The following PER1 variants were observed in gnomAD, a reference collection of about 807,000 sequenced individuals.
The protein encoded by PER1 is period circadian protein homolog 1.
Under a neutral mutation model 125.9 loss-of-function variants are expected in PER1, and 87 were observed. That is an observed-to-expected ratio of 0.69 (90% CI 0.58 to 0.83). PER1 has a LOEUF of 0.83. Ranked by LOEUF, PER1 falls within the 40% of genes least tolerant of loss-of-function variation. The pLI, the probability that PER1 is intolerant of heterozygous loss-of-function variation, is 0.00. For missense variants in PER1, 1,775 were observed against 1,722.8 expected (o/e 1.03, Z -0.54); for synonymous variants, 801 against 714.7 (o/e 1.12, Z -1.93).
At position 8,148,114 on chromosome 17, in the gene PER1, A is replaced by G. The variant is rs1982576963; in HGVS notation, c.1128-11T>C. 2 of 1,612,716 alleles carry G rather than the reference A, an allele frequency of 1.2e-6. No individual in the cohort carries two copies. The highest frequency in any genetic ancestry group is 1.3e-5 in the African/African-American group (1 of 74,874). ...AGCAGGGGGGCAGCCCTGAACGGGA[A>G]GGAGGCATCAGAGTGGCCGTGGCCT... is the stretch of plus-strand genomic sequence containing the variant. On this transcript the variant is annotated splice_polypyrimidine_tract_variant and intron_variant, in intron 9 of 22. Transcript: ENST00000317276.
chr17:8,150,596 T>G lies in PER1; in HGVS notation c.111A>C (p.Pro37=), dbSNP rs552256723. ...SPGPPQHRPC[P]GPSLADDTDA... Reference sequence around the variant, plus strand: ...CGGTGTCATCGGCCAGGCTGGGGCCTGGGCAAGGCCGGTGCTGTGGGGGCC... The same window carrying G: ...CGGTGTCATCGGCCAGGCTGGGGCCGGGGCAAGGCCGGTGCTGTGGGGGCC... Residue 37 remains proline (P), a synonymous_variant, in exon 2 of 23, where the codon CCA becomes CCC. Transcript: ENST00000317276. 4 of 1,613,940 alleles carry G rather than the reference T, an allele frequency of 2.5e-6. No individual in the cohort carries two copies. In the South Asian group the frequency reaches 4.4e-5, roughly 18 times the overall value.
intron 17 of PER1, 94 bp downstream of exon 17, chr17:8,145,864 C>A: frequency 7.2e-7 from 1 of 1,387,880 alleles, no homozygotes; most frequent in South Asian, 1.4e-5. Flanking sequence ...TCCTTCTCTC[C>A]ATCAGGCCCT....
intron 17 of PER1, 63 bp downstream of exon 17, chr17:8,145,895 G>C (rs1465777607): frequency 6.6e-7 from 1 of 1,518,938 alleles, no homozygotes; most frequent in African/African-American, 1.4e-5. Flanking sequence ...GGAAAGGCAG[G>C]AGGGAGCTCT....
rs999186573 is a variant in PER1 at position 8,141,970 on chromosome 17, G to A, written c.3450-15C>T. 6.2e-7 allele frequency: 1 copy of A among 1,613,380 alleles called. No homozygotes were observed. Among genetic ancestry groups the A allele is most frequent in the Non-Finnish European group, 8.5e-7 (1 of 1,180,030 alleles). On this transcript the variant is annotated splice_polypyrimidine_tract_variant and intron_variant, in intron 21 of 22. Coordinates refer to ENST00000317276, the MANE Select transcript of PER1 (RefSeq NM_002616.3). ...AGGTCATGTCCCTGCCCAAGAAGGG[G>A]TTCAGAAGGCAGAGGCTGGGATCCA...
intron 8 of PER1, among the ~76,000 whole-genome samples, 186 bp from the exon 9 acceptor site, chr17:8,148,445 G>A (rs749104927): frequency 1.3e-5 from 2 of 152,164 alleles, no homozygotes; most frequent in Non-Finnish European, 2.9e-5. Context: ...AGCAAGCAAG[G>A]CATTCTTCTC....
At chr17:8,152,234 GT>G in intron 1 of PER1, 102 bp downstream of exon 1, 1 of 152,562 alleles carries the variant, frequency 6.6e-6, no homozygotes, top group Non-Finnish European at 1.5e-5. Flanking sequence ...AAGGACGACA[GT>G]GTGCCCTCTG....
chr17:8,148,697 G>A lies in PER1; in HGVS notation c.995C>T (p.Pro332Leu). The change falls in exon 8 of 23, where the codon CCT becomes CTT. Residue 332 changes from proline to leucine, a missense_variant. Transcript: ENST00000317276. ...VTKIRVSDGA[P>L]AQPCCLLIAE... ...AATCAGCAGGCAGCACGGCTGTGCA[G>A]GGGCCCCATCTGAGACCCGGATCTT... The A allele has an allele frequency of 1.2e-6, 2 of 1,613,822 alleles. No homozygotes were observed. The highest frequency in any genetic ancestry group is 1.7e-6 in the Non-Finnish European group (2 of 1,179,882).
In PER1 at chr17:8,143,447, C is replaced by T. The variant is rs770675504; in HGVS notation, c.2891G>A (p.Ser964Asn). 1 of 1,607,770 alleles carries T rather than the reference C, an allele frequency of 6.2e-7. No individual in the cohort carries two copies. Among genetic ancestry groups the T allele is most frequent in the African/African-American group, 1.3e-5 (1 of 74,542 alleles). Residue 964 changes from serine (S) to asparagine (N), a missense_variant, in exon 19 of 23, where the codon AGT (serine) becomes AAT (asparagine). Transcript: ENST00000317276. The part of the protein sequence containing the change: ...PSPSLPALAP[S>N]PPHRPDSPLF... ...TGGAGAGTCCGGGCGGTGAGGAGGA[C>T]TCGGGGCGAGGGCGGGCAAGGATGG...
chr17:8,141,122 T>TTCTTCC lies in PER1; in HGVS notation c.3813_3818dup (p.Glu1272_Glu1273dup). ...AGGCTGGACTGGATGAGCTCCTGCC[T>TTCTTCC]TCTTCCTCCTCCTCCATAGCCAAGT... On this transcript the variant is annotated inframe_insertion, in exon 23 of 23. Coordinates refer to ENST00000317276, the MANE Select transcript of PER1 (RefSeq NM_002616.3). 2 of 1,613,976 alleles carry TTCTTCC rather than the reference T, an allele frequency of 1.2e-6. No homozygotes were observed. The highest frequency in any genetic ancestry group is 1.7e-6 in the Non-Finnish European group (2 of 1,179,978).
At position 8,143,446 on chromosome 17, in the gene PER1, A is replaced by C; in HGVS notation, c.2892T>G (p.Ser964Arg). The change falls in exon 19 of 23, where the codon AGT becomes AGG. Residue 964 changes from serine to arginine, a missense_variant. Physicochemically the swap from Ser to Arg is moderately radical, Grantham distance 110 (BLOSUM62 -1). Transcript: ENST00000317276. The stretch of plus-strand genomic sequence containing the variant: ...GTGGAGAGTCCGGGCGGTGAGGAGG[A>C]CTCGGGGCGAGGGCGGGCAAGGATG... ...PSPSLPALAP[S>R]PPHRPDSPLF... 6.2e-7 allele frequency: 1 copy of C among 1,607,836 alleles called. No homozygotes were observed. The highest frequency in any genetic ancestry group is 8.5e-7 in the Non-Finnish European group (1 of 1,176,948).
Position 8,140,562 on chromosome 17 carries a change from C to A in PER1, c.*506G>T, listed in dbSNP as rs913002746. 1.3e-5 allele frequency: 3 copies of A among 233,582 alleles called. No homozygotes were observed. Among genetic ancestry groups the A allele is most frequent in the Admixed American group, 1.1e-4 (2 of 18,172 alleles). 14.5% of individuals were successfully genotyped at this position (233,582 alleles called of 1,614,324 possible). On this transcript the variant is annotated 3_prime_UTR_variant, in exon 23 of 23. Transcript: ENST00000317276. The stretch of plus-strand genomic sequence containing the variant: ...TCGGCAGAGGGTACAGCTGAGAACG[C>A]CTGGGTCCCACCTGAGGGGCAGCAC...
Position 8,142,750 on chromosome 17 carries a change from G to A in PER1, c.3158C>T (p.Ser1053Phe). 1 of 1,613,936 alleles carries A rather than the reference G, an allele frequency of 6.2e-7. No homozygotes were observed. Among genetic ancestry groups the A allele is most frequent in the Non-Finnish European group, 8.5e-7 (1 of 1,180,002 alleles). The change falls in exon 20 of 23, where the codon TCC becomes TTC. Residue 1053 changes from serine to phenylalanine, a missense_variant. Transcript: ENST00000317276. ...GCCCGAGGCTGCGGAGCCTGTGCCG[G>A]AGCGCGAGTCCTCTTGCAGCAGAAG... ...LELLLQEDSR[S>F]GTGSAASGSL...
At position 8,143,588 on chromosome 17, in the gene PER1, G is replaced by A; in HGVS notation, c.2750C>T (p.Pro917Leu). The A allele has an allele frequency of 6.8e-7, 1 of 1,466,372 alleles. No individual in the cohort carries two copies. The highest frequency in any genetic ancestry group is 1.4e-5 in the South Asian group (1 of 70,972). 90.8% of individuals were successfully genotyped at this position (1,466,372 alleles called of 1,614,324 possible). ...GTTAGGGAGCACCAAGGCCACCATT[G>A]GGGTCACCAAAGGGGCGGGGAAAGC... ...PAAFPAPLVT[P>L]MVALVLPNYL... is the part of the protein sequence containing the mutation. Residue 917 changes from proline (P) to leucine (L), a missense_variant, in exon 19 of 23, where the codon CCA becomes CTA. By Grantham distance (98) the Pro-to-Leu change is moderately conservative. Transcript: ENST00000317276.
intron 18 of PER1, 167 bp downstream of exon 18, chr17:8,144,584 C>T (rs893676724): frequency 1.1e-6 from 1 of 885,230 alleles, no homozygotes; most frequent in Non-Finnish European, 1.7e-6. Flanking sequence ...GAACCCCATC[C>T]TAGTGGGGAG....
Position 8,149,749 on chromosome 17 carries a change from G to T in PER1, c.651+6C>A, listed in dbSNP as rs3027179. 1.9e-6 allele frequency: 3 copies of T among 1,612,570 alleles called. No individual in the cohort carries two copies. Among genetic ancestry groups the T allele is most frequent in the South Asian group, 1.1e-5 (1 of 91,084 alleles). On this transcript the variant is annotated splice_donor_region_variant and intron_variant, in intron 5 of 22. Transcript: ENST00000317276. ...GTCGGGATGCAGAGGCCAGGCCGCC[G>T]CTGACCTGGTTCTGAAGTGTGTACT...
intron 10 of PER1, 25 bp from the exon 11 acceptor site, chr17:8,147,852 C>A: frequency 6.2e-7 from 1 of 1,612,614 alleles, no homozygotes; most frequent in East Asian, 2.2e-5. Context: ...AAAGGAGGAG[C>A]GGTCAAAGGG....
rs910718201 is a variant in PER1 at position 8,141,833 on chromosome 17, C to T, written c.3572G>A (p.Gly1191Asp). ...CACATCAAGAGCCCGAGGCAGTTGG[C>T]CCTTCCGGACCCAGGAGTGCACAGC... ...LGAVHSWVRK[G>D]QLPRALDVMA... The change falls in exon 22 of 23, where the codon GGC becomes GAC. Residue 1191 changes from glycine (G) to aspartate (D), a missense_variant. By Grantham distance (94) the Gly-to-Asp change is moderately conservative. Coordinates refer to ENST00000317276, the MANE Select transcript of PER1 (RefSeq NM_002616.3). 4 of 1,613,990 alleles carry T rather than the reference C, an allele frequency of 2.5e-6. No homozygotes were observed. The highest frequency in any genetic ancestry group is 3.4e-6 in the Non-Finnish European group (4 of 1,179,976).
In PER1 at chr17:8,143,502, G is replaced by A; in HGVS notation, c.2836C>T (p.Pro946Ser). 1.9e-6 allele frequency: 3 copies of A among 1,575,856 alleles called. No homozygotes were observed. Among genetic ancestry groups the A allele is most frequent in the Non-Finnish European group, 2.6e-6 (3 of 1,158,904 alleles). ...GGGGAGTGCGAGGCAGGAGTGGGAG[G>A]CCCTTCAGCAGGGGTCTGGAGTGCC... ...YGALQTPAEG[P>S]PTPASHSPSP... is the part of the protein sequence containing the mutation. The change falls in exon 19 of 23, where the codon CCT becomes TCT. Residue 946 changes from proline to serine, a missense_variant. Coordinates refer to ENST00000317276, the MANE Select transcript of PER1 (RefSeq NM_002616.3).
At chr17:8,145,324 C>CTTTTTTTTTTTTTTTT (rs398030276) in intron 17 of PER1, among the ~76,000 whole-genome samples, 1 of 125,514 alleles carries the variant, frequency 8.0e-6, no homozygotes, top group Non-Finnish European at 1.6e-5. Context: ...TTTCTTGTTT[C>CTTTTTTTTTTTTTTTT]TTTTTTTTTT....
Sources: allele counts gnomAD v4.1 joint callset (sites outside exome capture counted in the v4.1 genomes callset), GRCh38; gene constraint gnomAD v4.1.1; transcripts MANE v1.5; gene names NCBI Gene and HGNC (gene_info 2026-07-23, HGNC 2026-07-21).